DNAH14: variants seen among roughly 807,000 people sequenced by gnomAD.
DNAH14 encodes the protein dynein axonemal heavy chain 14.
In DNAH14, 478 loss-of-function variants were observed where a neutral mutation model predicts 520.9. The ratio of observed to expected loss-of-function variants is 0.92; its 90% confidence interval spans 0.85 to 0.99. The LOEUF (loss-of-function observed/expected upper bound fraction) is 0.99, where lower values mean the gene tolerates loss of function less well. Among genes scored for constraint, DNAH14 ranks in the 50% least tolerant of loss-of-function variants. DNAH14 has a pLI of 0.00. For missense variants in DNAH14, 4,831 were observed against 5,234.5 expected (o/e 0.92, Z 2.38); for synonymous variants, 1,581 against 1,757.2 (o/e 0.90, Z 2.51).
At chr1:225,108,571 A>G (rs1020757990) in intron 23 of DNAH14, among the ~76,000 whole-genome samples, 1 of 152,070 alleles carries the variant, frequency 6.6e-6, no homozygotes, top group Non-Finnish European at 1.5e-5. Context: ...ATTTTTTCCT[A>G]TAGAGCTGTT....
At chr1:225,000,198 C>T (rs954366524) in intron 8 of DNAH14, among the ~76,000 whole-genome samples, 1 of 152,158 alleles carries the variant, frequency 6.6e-6, no homozygotes, top group Non-Finnish European at 1.5e-5. Context: ...TTGACAGTTC[C>T]TTTCTTTCAG....
chr1:225,281,507 C>T (rs1181859828), intron 54 of DNAH14, among the ~76,000 whole-genome samples: 1 of 152,072 alleles, frequency 6.6e-6, no homozygotes, highest in East Asian at 1.9e-4. Context: ...ATAACATATT[C>T]ATTGGTTCCA....
At position 225,147,225 on chromosome 1, in the gene DNAH14, C is replaced by A; in HGVS notation, c.4916C>A (p.Ala1639Asp). ...GCCTCACAGATCCTAACAATTAAGG[C>A]TGCAAAAGACAACTATTCTGCCAGG... is the stretch of plus-strand genomic sequence containing the variant. Reference protein sequence around the residue: ...VIASQILTIKAAKDNYSARFV... With the variant: ...VIASQILTIKDAKDNYSARFV... The change falls in exon 31 of 86, where the codon GCT (alanine) becomes GAT (aspartate). Residue 1639 changes from alanine (A) to aspartate (D), a missense_variant. By Grantham distance (126) the Ala-to-Asp change is moderately radical (BLOSUM62 -2). Coordinates refer to ENST00000682510, the MANE Select transcript of DNAH14 (RefSeq NM_001367479.1). 1 of 1,546,846 alleles carries A rather than the reference C, an allele frequency of 6.5e-7. No homozygotes were observed. The highest frequency in any genetic ancestry group is 8.7e-7 in the Non-Finnish European group (1 of 1,145,634).
chr1:225,153,826 G>T lies in DNAH14; in HGVS notation c.5273G>T (p.Cys1758Phe), dbSNP rs929847655. 11 of 1,548,220 alleles carry T rather than the reference G, an allele frequency of 7.1e-6. No homozygotes were observed. Among genetic ancestry groups the T allele is most frequent in the Middle Eastern group, 1.7e-4 (1 of 6,002 alleles). Residue 1758 changes from cysteine to phenylalanine, a missense_variant and splice_region_variant, in exon 34 of 86, where the codon TGT (cysteine) becomes TTT (phenylalanine). Coordinates refer to ENST00000682510, the MANE Select transcript of DNAH14 (RefSeq NM_001367479.1). ...GGAACGAAGAAACGGGAGTTTAAAT[G>T]GTCAGTTGAATTTTGAATTGTTAGG... is the stretch of plus-strand genomic sequence containing the variant. ...MAGTKKREFK[C>F]DTSDSLSEAD...
At chr1:225,055,509 G>C (rs1572733629) in intron 17 of DNAH14, among the ~76,000 whole-genome samples, 1 of 151,694 alleles carries the variant, frequency 6.6e-6, no homozygotes, top group South Asian at 2.1e-4. Context: ...TACAACCATA[G>C]CTAAATTATT....
At chr1:225,239,917 G>A (rs1219914703) in intron 42 of DNAH14, among the ~76,000 whole-genome samples, 2 of 152,178 alleles carry the variant, frequency 1.3e-5, no homozygotes, top group Admixed American at 6.5e-5. Flanking sequence ...TATATGAAAT[G>A]TCTTTAAATC....
chr1:225,386,523 T>C (rs74545600), intron 81 of DNAH14, among the ~76,000 whole-genome samples: 152,160 of 152,338 alleles, frequency 1, 75,992 homozygotes, highest in Non-Finnish European at 1. Flanking sequence ...AGAACGTAAA[T>C]AAATTTACAA....
At chr1:225,265,107 GAC>G (rs949130489) in intron 47 of DNAH14, 73 bp from the exon 48 acceptor site, 1 of 1,001,866 alleles carries the variant, frequency 1.0e-6, no homozygotes, top group Non-Finnish European at 1.4e-6. Flanking sequence ...CAAATTTCAT[GAC>G]ACATTAAAAT....
In DNAH14 at chr1:225,374,778, G is replaced by A. The variant is rs773651707; in HGVS notation, c.12409G>A (p.Gly4137Ser). The A allele has an allele frequency of 1.4e-5, 21 of 1,551,404 alleles. No homozygotes were observed. The South Asian group carries it at 1.7e-4, about 12-fold the overall frequency. ...LRYLIGEVIY[G>S]GRVIDNWDKR... ...CTACCTGATTGGAGAAGTGATTTAC[G>A]GTGGCCGGGTGATTGATAATTGGGA... The change falls in exon 78 of 86, where the codon GGT (glycine) becomes AGT (serine). Residue 4137 changes from glycine (G) to serine (S), a missense_variant. Coordinates refer to ENST00000682510, the MANE Select transcript of DNAH14 (RefSeq NM_001367479.1).
intron 31 of DNAH14, among the ~76,000 whole-genome samples, chr1:225,148,998 T>A (rs978104611): frequency 2.0e-5 from 3 of 152,218 alleles, no homozygotes. Context: ...CTTTTGTCAA[T>A]TGAAAGTTTT....
chr1:225,052,413 C>G (rs2068625190), intron 17 of DNAH14, among the ~76,000 whole-genome samples: 2 of 152,132 alleles, frequency 1.3e-5, no homozygotes, highest in South Asian at 4.1e-4. Context: ...AATAGACCAG[C>G]CATTGTCCAC....
At chr1:225,059,858 A>C (rs1219444158) in intron 17 of DNAH14, among the ~76,000 whole-genome samples, 1 of 151,950 alleles carries the variant, frequency 6.6e-6, no homozygotes, top group Non-Finnish European at 1.5e-5. Flanking sequence ...ATTGGCCCCC[A>C]CTCTCTTCTG....
chr1:225,104,682 G>T (rs9919209), intron 23 of DNAH14, among the ~76,000 whole-genome samples: 39,411 of 151,810 alleles, frequency 0.26, 7,905 homozygotes, highest in African/African-American at 0.56. Context: ...TAGAGGTGTT[G>T]ATAGTATTCT....
chr1:225,384,733 T>C (rs1192548565), intron 81 of DNAH14, among the ~76,000 whole-genome samples: 2 of 152,136 alleles, frequency 1.3e-5, no homozygotes, highest in African/African-American at 4.8e-5. Context: ...GAGGCAATAA[T>C]TAATAGCCTA....
intron 42 of DNAH14, among the ~76,000 whole-genome samples, chr1:225,235,814 G>C (rs1031309589): frequency 8.5e-5 from 13 of 152,150 alleles, no homozygotes; most frequent in African/African-American, 3.1e-4. Flanking sequence ...AGATTTTCTA[G>C]TTTATGTTCA....
At chr1:225,131,756 A>G (rs1341676982) in intron 27 of DNAH14, among the ~76,000 whole-genome samples, 1 of 152,140 alleles carries the variant, frequency 6.6e-6, no homozygotes, top group Non-Finnish European at 1.5e-5. Context: ...CATAAGAGAG[A>G]GGGAAAACTA....
At chr1:225,110,608 TG>T (rs1175407355) in intron 23 of DNAH14, among the ~76,000 whole-genome samples, 1 of 151,868 alleles carries the variant, frequency 6.6e-6, no homozygotes, top group Non-Finnish European at 1.5e-5. Flanking sequence ...GTTTTCTTTA[TG>T]TTTTTTTCTA....
intron 10 of DNAH14, among the ~76,000 whole-genome samples, chr1:225,014,295 A>G (rs1429437024): frequency 6.6e-6 from 1 of 151,790 alleles, no homozygotes; most frequent in Non-Finnish European, 1.5e-5. Context: ...CCACTGTCTA[A>G]CCAGTCCCAA....
At chr1:225,044,635 C>T (rs753673230) in intron 15 of DNAH14, among the ~76,000 whole-genome samples, 1 of 152,168 alleles carries the variant, frequency 6.6e-6, no homozygotes, top group Non-Finnish European at 1.5e-5. Flanking sequence ...TCCATTCCCC[C>T]AAACTGGCTG....
Sources: gnomAD v4.1 joint callset for allele counts (sites outside exome capture counted in the v4.1 genomes callset) on GRCh38, gnomAD v4.1.1 for gene constraint, MANE v1.5 for transcripts, NCBI Gene and HGNC (gene_info 2026-07-23, HGNC 2026-07-21) for gene names.